Variants in MAGI2 observed in about 807,000 individuals in gnomAD.
MAGI2 encodes the protein membrane associated guanylate kinase, WW and PDZ domain containing 2.
MAGI2 carries 35 observed loss-of-function variants against 133.3 expected under a neutral mutation model. The observed-to-expected ratio is 0.26, with a 90% CI of 0.20 to 0.35. MAGI2 has a LOEUF of 0.35. MAGI2 is among the 10% of genes least tolerant of loss of function. The probability of loss-of-function intolerance (pLI) is 1.00; values close to 1 mark genes in which losing one functional copy is unlikely to be tolerated. For synonymous variants in MAGI2, 729 were observed against 710.6 expected, an observed-to-expected ratio of 1.03 and a Z score of -0.41; for missense variants, 1,636 against 1,863.4, an observed-to-expected ratio of 0.88 and a Z score of 2.25.
At chr7:78,132,788 TAA>T (rs1821704009) in intron 18 of MAGI2, 99 bp downstream of exon 18, 1 of 1,544,266 alleles carries the variant, frequency 6.5e-7, no homozygotes, top group African/African-American at 1.4e-5. Context: ...TTCTACTTTA[TAA>T]AAGTCTCTCT....
intron 7 of MAGI2, chr7:78,359,103 G>C (rs1792493749): frequency 6.6e-6 from 1 of 152,174 alleles, no homozygotes. Context: ...TCTAAGATTT[G>C]TACAGGAATA....
intron 4 of MAGI2, among the ~76,000 whole-genome samples, chr7:78,520,858 T>C (rs1461726421): frequency 2.6e-5 from 4 of 152,168 alleles, no homozygotes; most frequent in Admixed American, 1.3e-4. Context: ...TGTTAATGTA[T>C]AAAGATACAT....
chr7:78,436,824 G>C (rs1324690281), intron 6 of MAGI2, among the ~76,000 whole-genome samples: 2 of 152,178 alleles, frequency 1.3e-5, no homozygotes, highest in East Asian at 3.9e-4. Context: ...GAAGCCAACA[G>C]ATGACTTTCA....
chr7:78,234,133 A>G (rs1037617694), intron 10 of MAGI2, among the ~76,000 whole-genome samples: 2 of 152,224 alleles, frequency 1.3e-5, no homozygotes, highest in Admixed American at 1.3e-4. Flanking sequence ...AAATAAAAAA[A>G]TACATAGCTA....
intron 1 of MAGI2, among the ~76,000 whole-genome samples, chr7:79,241,248 A>G (rs1213561678): frequency 1.3e-5 from 2 of 152,170 alleles, no homozygotes; most frequent in African/African-American, 4.8e-5. Flanking sequence ...AACACAACAG[A>G]ATAAACTGCC....
At position 79,075,890 on chromosome 7, in the gene MAGI2, A is replaced by G. The variant is rs182074189; in HGVS notation, c.302-68684T>C. Among the ~76,000 whole-genome samples, 5 of 152,330 alleles carry G rather than the reference A, an allele frequency of 3.3e-5. No individual in the cohort carries two copies. In the East Asian group the frequency reaches 5.8e-4, roughly 18 times the overall value. On this transcript the variant is annotated intron_variant, in intron 1 of 21. Transcript: ENST00000354212. ...CACCACATAAATTGTTAAAATATCA[A>G]TTCCATTTTGGAAAATACAAATATC... is the stretch of plus-strand genomic sequence containing the variant.
intron 1 of MAGI2, among the ~76,000 whole-genome samples, chr7:79,339,687 T>A (rs751839142): frequency 6.6e-6 from 1 of 152,172 alleles, no homozygotes; most frequent in Admixed American, 6.6e-5. Context: ...TGAAGTTCAG[T>A]CTCTAGTACG....
At chr7:78,109,086 C>T (rs1819032420) in intron 20 of MAGI2, among the ~76,000 whole-genome samples, 1 of 151,394 alleles carries the variant, frequency 6.6e-6, no homozygotes, top group Admixed American at 6.6e-5. Flanking sequence ...GGGCGGATCA[C>T]GAGGTCAGGA....
chr7:79,289,235 C>T (rs115263466), intron 1 of MAGI2, among the ~76,000 whole-genome samples: 234 of 152,274 alleles, frequency 1.5e-3, no homozygotes, highest in African/African-American at 5.0e-3. Flanking sequence ...ACAGTATCAG[C>T]TTCTCATTAA....
At chr7:78,391,421 T>C (rs1032234308) in intron 6 of MAGI2, among the ~76,000 whole-genome samples, 12 of 152,210 alleles carry the variant, frequency 7.9e-5, no homozygotes, top group African/African-American at 2.9e-4. Context: ...TATGGATATA[T>C]TTGGAAGCCT....
chr7:79,113,196 T>C (rs1180677655), intron 1 of MAGI2, among the ~76,000 whole-genome samples: 2 of 152,206 alleles, frequency 1.3e-5, no homozygotes, highest in Admixed American at 6.5e-5. Context: ...CTCAGGGCTG[T>C]CATCCTTTTT....
At chr7:79,177,434 TC>T (rs1005157213) in intron 1 of MAGI2, among the ~76,000 whole-genome samples, 1 of 152,078 alleles carries the variant, frequency 6.6e-6, no homozygotes, top group African/African-American at 2.4e-5. Context: ...GTAGATAATG[TC>T]CTCTAAACAT....
At chr7:79,422,799 T>C (rs890379960) in intron 1 of MAGI2, among the ~76,000 whole-genome samples, 5 of 151,998 alleles carry the variant, frequency 3.3e-5, no homozygotes, top group Admixed American at 6.6e-5. Flanking sequence ...GAAACCAAAC[T>C]TGGAACTATC....
intron 7 of MAGI2, 131 bp downstream of exon 7, chr7:78,369,025 C>A: frequency 3.4e-6 from 2 of 586,354 alleles, no homozygotes; most frequent in Non-Finnish European, 5.9e-6. Context: ...TGCTGCTAGT[C>A]TTGGTGGATA....
intron 4 of MAGI2, among the ~76,000 whole-genome samples, chr7:78,519,391 G>C (rs1796308831): frequency 6.6e-6 from 1 of 152,048 alleles, no homozygotes; most frequent in South Asian, 2.1e-4. Flanking sequence ...CCCCATAACA[G>C]GAAAGAAAAG....
chr7:78,771,679 ACTT>A (rs1825603251), intron 2 of MAGI2, among the ~76,000 whole-genome samples: 1 of 152,042 alleles, frequency 6.6e-6, no homozygotes, highest in Non-Finnish European at 1.5e-5. Context: ...TCATTTTACT[ACTT>A]ACACACTTTT....
rs1817869626 is a variant in MAGI2 at position 78,098,015 on chromosome 7, AT to A, written c.3568-18931del. ...TCGTGTGTTATTAAAATTATGTAAT[AT>A]TCATGTGTTATTAAAGTTATGTAAT... is the stretch of plus-strand genomic sequence containing the variant. On this transcript the variant is annotated intron_variant, in intron 20 of 21. Coordinates refer to ENST00000354212, the MANE Select transcript of MAGI2 (RefSeq NM_012301.4). Among the ~76,000 whole-genome samples, 4 of 152,152 alleles carry A rather than the reference AT, an allele frequency of 2.6e-5. No individual in the cohort carries two copies. In the South Asian group the frequency reaches 8.3e-4, roughly 31 times the overall value.
intron 2 of MAGI2, among the ~76,000 whole-genome samples, chr7:78,873,831 G>C (rs1051004761): frequency 5.3e-5 from 8 of 151,972 alleles, no homozygotes; most frequent in African/African-American, 1.9e-4. Flanking sequence ...AAAGTGCTGA[G>C]TACTACTTCA....
At chr7:78,687,732 G>A (rs566282705) in intron 2 of MAGI2, among the ~76,000 whole-genome samples, 1 of 152,126 alleles carries the variant, frequency 6.6e-6, no homozygotes, top group South Asian at 2.1e-4. Flanking sequence ...ACTTTGGGAG[G>A]CTGAGGCGGG....
Sources: gnomAD v4.1 joint callset for allele counts (sites outside exome capture counted in the v4.1 genomes callset) on GRCh38, gnomAD v4.1.1 for gene constraint, MANE v1.5 for transcripts, NCBI Gene and HGNC (gene_info 2026-07-23, HGNC 2026-07-21) for gene names.